GPD1L: variants seen among roughly 807,000 people sequenced by gnomAD.
The protein encoded by GPD1L is glycerol-3-phosphate dehydrogenase 1-like protein.
In GPD1L, 17 loss-of-function variants were observed where a neutral mutation model predicts 32.9. The ratio of observed to expected loss-of-function variants is 0.52; its 90% CI spans 0.35 to 0.78. The LOEUF (loss-of-function observed/expected upper bound fraction) is 0.78, where lower values mean the gene tolerates loss of function less well. Among genes scored for constraint, GPD1L ranks in the 30% least tolerant of loss-of-function variants. The pLI is 0.01. For missense variants in GPD1L, 361 were observed against 447.8 expected (o/e 0.81, Z 1.75); for synonymous variants, 187 against 165.9 (o/e 1.13, Z -0.98).
intron 1 of GPD1L, among the ~76,000 whole-genome samples, chr3:32,125,816 T>G (rs1377152090): frequency 6.6e-6 from 1 of 152,198 alleles, no homozygotes; most frequent in East Asian, 1.9e-4. Context: ...AGGTGCTCAG[T>G]AAATATTTGA....
At chr3:32,129,898 C>T (rs776880854) in intron 2 of GPD1L, among the ~76,000 whole-genome samples, 1 of 152,122 alleles carries the variant, frequency 6.6e-6, no homozygotes, top group Non-Finnish European at 1.5e-5. Flanking sequence ...GAATTGGTTG[C>T]CCCTTCCCTT....
At chr3:32,159,209 T>G in intron 6 of GPD1L, 100 bp downstream of exon 6, 1 of 867,444 alleles carries the variant, frequency 1.2e-6, no homozygotes, top group Non-Finnish European at 1.9e-6. Flanking sequence ...CCAGCATCTA[T>G]TTGCTGGGAT....
At chr3:32,143,840 GGT>G (rs1249073054) in intron 4 of GPD1L, among the ~76,000 whole-genome samples, 3 of 152,166 alleles carry the variant, frequency 2.0e-5, no homozygotes, top group Non-Finnish European at 4.4e-5. Context: ...AAATTAGCCA[GGT>G]GTGGTGGTGC....
At chr3:32,107,892 T>C (rs1700186572) in intron 1 of GPD1L, among the ~76,000 whole-genome samples, 1 of 152,194 alleles carries the variant, frequency 6.6e-6, no homozygotes, top group African/African-American at 2.4e-5. Flanking sequence ...GAATGGCATC[T>C]ACCCTAGTGC....
chr3:32,150,892 C>T (rs1364036820), intron 5 of GPD1L, among the ~76,000 whole-genome samples: 2 of 152,094 alleles, frequency 1.3e-5, no homozygotes, highest in African/African-American at 2.4e-5. Flanking sequence ...GAGTTCAAGA[C>T]CAGCCTGGAC....
intron 4 of GPD1L, among the ~76,000 whole-genome samples, chr3:32,146,131 G>A (rs1320523143): frequency 1.4e-5 from 2 of 147,276 alleles, no homozygotes; most frequent in South Asian, 2.1e-4. Context: ...CTGTTGCCCA[G>A]GATGGAGTGC....
At chr3:32,145,588 G>A (rs1360274490) in intron 4 of GPD1L, among the ~76,000 whole-genome samples, 1 of 152,048 alleles carries the variant, frequency 6.6e-6, no homozygotes, top group Non-Finnish European at 1.5e-5. Context: ...TGAGGGAGGG[G>A]CTGGTCTGCA....
intron 5 of GPD1L, among the ~76,000 whole-genome samples, chr3:32,152,104 C>T (rs1700927464): frequency 6.6e-6 from 1 of 152,118 alleles, no homozygotes; most frequent in Non-Finnish European, 1.5e-5. Context: ...AGTTCATCAT[C>T]CCTATTTGAA....
chr3:32,106,771 G>A lies in GPD1L; in HGVS notation c.47+13G>A. On this transcript the variant is annotated intron_variant, in intron 1 of 7. Coordinates refer to ENST00000282541, the MANE Select transcript of GPD1L (RefSeq NM_015141.4). The surrounding 1 kb of genome is among the most constrained non-coding windows in gnomAD (Gnocchi z 4.0). ...GCTCGGGGAACTGGTGAGCGGCGGC[G>A]GGCTGGAGGCCGGGGCTCCGCTTCC... 2 of 1,557,846 alleles carry A rather than the reference G, an allele frequency of 1.3e-6. No individual in the cohort carries two copies. The highest frequency in any genetic ancestry group is 8.7e-7 in the Non-Finnish European group (1 of 1,152,672).
At position 32,115,757 on chromosome 3, in the gene GPD1L, A is replaced by C. The variant is rs550241277; in HGVS notation, c.47+8999A>C. On this transcript the variant is annotated intron_variant, in intron 1 of 7. Coordinates refer to ENST00000282541, the MANE Select transcript of GPD1L (RefSeq NM_015141.4). ...TCTAAACCCTTTTCGTGTACGTTGA[A>C]CTTTTTTTTTTTTTTTTTTTTTTTT... 2.7e-3 allele frequency among the ~76,000 whole-genome samples: 208 copies of C among 75,924 alleles called. 1 individual carries two copies. Among genetic ancestry groups the C allele is most frequent in the African/African-American group, 7.1e-3 (200 of 28,026 alleles). The allele number at this position is 75,924 out of a possible 152,430, so 49.8% of individuals were successfully genotyped here.
At chr3:32,125,674 A>G (rs531005800) in intron 1 of GPD1L, among the ~76,000 whole-genome samples, 1 of 152,056 alleles carries the variant, frequency 6.6e-6, no homozygotes, top group East Asian at 1.9e-4. Flanking sequence ...TCCACCTCTT[A>G]CCACACACAG....
intron 2 of GPD1L, among the ~76,000 whole-genome samples, chr3:32,138,280 G>C (rs1193347884): frequency 6.6e-6 from 1 of 152,172 alleles, no homozygotes; most frequent in Admixed American, 6.5e-5. Context: ...TGGATGAGGG[G>C]GCTGGTGAGG....
At chr3:32,161,858 G>A (rs991041301) in intron 7 of GPD1L, among the ~76,000 whole-genome samples, 5 of 152,168 alleles carry the variant, frequency 3.3e-5, no homozygotes, top group African/African-American at 1.2e-4. Context: ...CTTCTCCTGG[G>A]CTGGAGTGTA....
chr3:32,164,666 G>T (rs1701120479), intron 7 of GPD1L, among the ~76,000 whole-genome samples: 1 of 152,054 alleles, frequency 6.6e-6, no homozygotes, highest in Admixed American at 6.5e-5. Flanking sequence ...AGTTGATTAG[G>T]TCTACCTGAC....
chr3:32,142,016 G>A (rs13068621), intron 4 of GPD1L, among the ~76,000 whole-genome samples: 34,982 of 151,826 alleles, frequency 0.23, 4,432 homozygotes, highest in East Asian at 0.49. Flanking sequence ...CCAATGTTTA[G>A]CCCTCACTTG....
intron 5 of GPD1L, chr3:32,151,189 T>C (rs1183723142): frequency 5.1e-6 from 3 of 592,762 alleles, no homozygotes; most frequent in African/African-American, 3.7e-5. Context: ...TTCAGTCTAA[T>C]CCAGGTACCT....
chr3:32,159,232 C>T (rs1407926693), intron 6 of GPD1L, 123 bp downstream of exon 6: 1 of 757,136 alleles, frequency 1.3e-6, no homozygotes, highest in African/African-American at 1.7e-5. Context: ...TTCCGTTTGC[C>T]TGGCTGCTTT....
At chr3:32,156,634 G>T (rs1232650310) in intron 5 of GPD1L, among the ~76,000 whole-genome samples, 1 of 152,110 alleles carries the variant, frequency 6.6e-6, no homozygotes, top group African/African-American at 2.4e-5. Flanking sequence ...TTCATGTGAA[G>T]TATCTTTGCG....
At chr3:32,120,304 G>T (rs540069277) in intron 1 of GPD1L, among the ~76,000 whole-genome samples, 4 of 151,934 alleles carry the variant, frequency 2.6e-5, no homozygotes, top group Non-Finnish European at 2.9e-5. Context: ...GCGACAGAGT[G>T]AGACTCTGTC....
Sources: allele counts gnomAD v4.1 joint callset (sites outside exome capture counted in the v4.1 genomes callset), GRCh38; gene constraint gnomAD v4.1.1; non-coding constraint Gnocchi (gnomAD v3.1); transcripts MANE v1.5; gene names NCBI Gene and HGNC (gene_info 2026-07-23, HGNC 2026-07-21).